CECR2: variants seen among roughly 807,000 people sequenced by gnomAD.
CECR2 encodes chromatin remodeling regulator CECR2.
A neutral mutation model predicts 154.5 loss-of-function variants in CECR2; 30 were observed. The ratio of observed to expected loss-of-function variants is 0.19; its 90% CI spans 0.15 to 0.26. CECR2 has a LOEUF of 0.26. Ranked by LOEUF, CECR2 falls within the 10% of genes least tolerant of loss-of-function variation. CECR2 has a pLI of 1.00. For synonymous variants in CECR2, 725 were observed against 683.7 expected, an observed-to-expected ratio of 1.06 and a Z score of -0.94; for missense variants, 1,743 against 1,829.3, an observed-to-expected ratio of 0.95 and a Z score of 0.86.
intron 2 of CECR2, among the ~76,000 whole-genome samples, chr22:17,485,312 G>T (rs898628427): frequency 6.6e-6 from 1 of 152,140 alleles, no homozygotes; most frequent in Non-Finnish European, 1.5e-5. Flanking sequence ...CTGCAGCCCC[G>T]TGCTGTCAAT....
intron 1 of CECR2, among the ~76,000 whole-genome samples, chr22:17,384,391 G>GT (rs1441372428): frequency 6.6e-6 from 1 of 152,110 alleles, no homozygotes; most frequent in Non-Finnish European, 1.5e-5. Context: ...GCCACAAAAT[G>GT]TATTTCTTAA....
chr22:17,426,603 C>T (rs369719646), intron 1 of CECR2, among the ~76,000 whole-genome samples: 6 of 152,322 alleles, frequency 3.9e-5, no homozygotes, highest in East Asian at 3.9e-4. Context: ...GTGATCCGCC[C>T]GCCTCAGCCT....
At chr22:17,484,185 G>C (rs190641866) in intron 2 of CECR2, among the ~76,000 whole-genome samples, 201 of 152,272 alleles carry the variant, frequency 1.3e-3, no homozygotes, top group African/African-American at 4.7e-3. Flanking sequence ...TAAGCAATGC[G>C]TGGCTATTTT....
intron 1 of CECR2, among the ~76,000 whole-genome samples, chr22:17,423,239 C>T (rs1166453204): frequency 2.0e-5 from 3 of 152,146 alleles, no homozygotes; most frequent in Non-Finnish European, 4.4e-5. Context: ...ACATGCTTCT[C>T]TGTTATCCCC....
intron 1 of CECR2, among the ~76,000 whole-genome samples, chr22:17,400,601 C>T (rs534200943): frequency 6.6e-6 from 1 of 152,248 alleles, no homozygotes; most frequent in South Asian, 2.1e-4. Flanking sequence ...TTCATTTCTC[C>T]CAGGCTTAAG....
chr22:17,504,989 T>C lies in CECR2; in HGVS notation c.843T>C (p.Pro281=). The change falls in exon 7 of 19, where the codon CCT becomes CCC. Residue 281 remains proline, a synonymous_variant. Transcript: ENST00000262608. ...LYKLLSEDFL[P]EICNMIAQKG... The stretch of plus-strand genomic sequence containing the variant: ...AGCTCCTCAGTGAGGACTTCCTGCC[T>C]GAGATCTGCAACATGATCGCCCAGA... 2 of 1,613,066 alleles carry C rather than the reference T, an allele frequency of 1.2e-6. No individual in the cohort carries two copies. Among genetic ancestry groups the C allele is most frequent in the Non-Finnish European group, 1.7e-6 (2 of 1,179,292 alleles).
intron 1 of CECR2, among the ~76,000 whole-genome samples, chr22:17,476,187 A>G (rs1040424511): frequency 4.7e-5 from 7 of 150,156 alleles, no homozygotes; most frequent in Admixed American, 2.7e-4. Context: ...GAAATCTCCC[A>G]GGCTTCCACA....
chr22:17,449,480 G>GTCCT (rs1479640468), intron 1 of CECR2, among the ~76,000 whole-genome samples: 1,923 of 96,726 alleles, frequency 0.02, 32 homozygotes, highest in South Asian at 0.078. Context: ...TTGGTAACCA[G>GTCCT]TTCTTTTTTT....
chr22:17,512,696 ACT>A (rs1262382108), intron 8 of CECR2, among the ~76,000 whole-genome samples: 1 of 124,062 alleles, frequency 8.1e-6, no homozygotes, highest in Non-Finnish European at 1.6e-5. Flanking sequence ...TCAGAGTTTC[ACT>A]CTGTCTCAGA....
intron 8 of CECR2, among the ~76,000 whole-genome samples, chr22:17,519,275 T>TC (rs1362233670): frequency 2.0e-5 from 3 of 148,802 alleles, no homozygotes; most frequent in Non-Finnish European, 4.4e-5. Context: ...TCTGGAAAGT[T>TC]CCCTCAGGTG....
At chr22:17,368,839 C>G (rs2063020091), upstream of CECR2, among the ~76,000 whole-genome samples, 1 of 152,150 alleles carries the variant, frequency 6.6e-6, no homozygotes, top group African/African-American at 2.4e-5. Context: ...CCTACCCCAC[C>G]CTTCCCGCCG....
chr22:17,362,296 G>A (rs568620294), intron 1 of CECR2, among the ~76,000 whole-genome samples: 2 of 152,100 alleles, frequency 1.3e-5, no homozygotes, highest in South Asian at 2.1e-4. Flanking sequence ...CACCTGCCTC[G>A]GCCTCCGAAA....
At position 17,549,062 on chromosome 22, in the gene CECR2, C is replaced by G; in HGVS notation, c.3775C>G (p.Pro1259Ala). 6.2e-7 allele frequency: 1 copy of G among 1,614,036 alleles called. No homozygotes were observed. Among genetic ancestry groups the G allele is most frequent in the Non-Finnish European group, 8.5e-7 (1 of 1,179,896 alleles). The part of the protein sequence containing the change: ...CETLNAALTS[P>A]TRMDAVAAKV... Reference sequence around the variant, plus strand: ...GACACTGAATGCTGCCTTAACTTCTCCAACCCGTATGGATGCAGTGGCTGC... The same window carrying G: ...GACACTGAATGCTGCCTTAACTTCTGCAACCCGTATGGATGCAGTGGCTGC... Residue 1259 changes from proline (P) to alanine (A), a missense_variant, in exon 17 of 19, where the codon CCA (proline) becomes GCA (alanine). This residue lies in a region of CECR2 where 1,250 missense variants were observed against 1,192.1 expected (regional missense o/e 1.05). Coordinates refer to ENST00000262608, the MANE Select transcript of CECR2 (RefSeq NM_001290047.2).
intron 16 of CECR2, among the ~76,000 whole-genome samples, chr22:17,543,536 G>A (rs574959310): frequency 2.7e-4 from 41 of 150,576 alleles, no homozygotes; most frequent in Non-Finnish European, 4.4e-4. Context: ...GCAGGTGGGC[G>A]CTTGCTGTGC....
In CECR2 at chr22:17,373,186, C is replaced by T. The variant is rs1302978337; in HGVS notation, c.126+3277C>T. On this transcript the variant is annotated intron_variant, in intron 1 of 18. Coordinates refer to ENST00000262608, the MANE Select transcript of CECR2 (RefSeq NM_001290047.2). ...CAGGTGATTCTCCCGCCTCAGCCTC[C>T]GGAGTAGCTGGGACTACAGGCATGT... is the stretch of plus-strand genomic sequence containing the variant. Among the ~76,000 whole-genome samples the T allele has an allele frequency of 2.6e-5, 4 of 152,106 alleles. No individual in the cohort carries two copies. The East Asian group carries it at 7.7e-4, about 29-fold the overall frequency.
chr22:17,516,795 T>C (rs1350538995), intron 8 of CECR2, among the ~76,000 whole-genome samples: 1 of 150,828 alleles, frequency 6.6e-6, no homozygotes, highest in East Asian at 1.9e-4. Flanking sequence ...GGTTTCTCCA[T>C]GTTGGTCAGG....
At chr22:17,426,722 T>C (rs1228189504) in intron 1 of CECR2, among the ~76,000 whole-genome samples, 2 of 152,232 alleles carry the variant, frequency 1.3e-5, no homozygotes, top group Admixed American at 1.3e-4. Flanking sequence ...GAAACCAGGT[T>C]TCTCTTTTTC....
At chr22:17,364,611 C>T (rs188536250), upstream of CECR2, among the ~76,000 whole-genome samples, 2 of 151,824 alleles carry the variant, frequency 1.3e-5, no homozygotes, top group East Asian at 3.9e-4. Flanking sequence ...TTTGGGAGGC[C>T]GAGGTGGGTG....
chr22:17,396,068 C>G (rs1436635721), intron 1 of CECR2, among the ~76,000 whole-genome samples: 2 of 149,814 alleles, frequency 1.3e-5, no homozygotes, highest in African/African-American at 4.9e-5. Context: ...ATCGAGACCT[C>G]GTCTCTACGA....
Sources: gnomAD v4.1 joint callset for allele counts (sites outside exome capture counted in the v4.1 genomes callset) on GRCh38, gnomAD v4.1.1 for gene constraint, gnomAD v4.1.1 regional missense constraint, MANE v1.5 for transcripts, NCBI Gene and HGNC (gene_info 2026-07-23, HGNC 2026-07-21) for gene names.